ITSN1: variants seen among roughly 807,000 people sequenced by gnomAD.
ITSN1 encodes intersectin-1.
A neutral mutation model predicts 239.8 loss-of-function variants in ITSN1; 58 were observed. The observed-to-expected ratio is 0.24, with a 90% CI of 0.20 to 0.30. The LOEUF (loss-of-function observed/expected upper bound fraction) is 0.30. Ranked by LOEUF, ITSN1 falls within the 10% of genes least tolerant of loss-of-function variation. The pLI is 1.00. For missense variants in ITSN1, 1,558 were observed against 2,103.3 expected, an observed-to-expected ratio of 0.74 and a Z score of 5.07; for synonymous variants, 780 against 770.8, an observed-to-expected ratio of 1.01 and a Z score of -0.20.
chr21:33,762,813 A>G (rs1454570803), intron 9 of ITSN1, among the ~76,000 whole-genome samples: 1 of 149,780 alleles, frequency 6.7e-6, no homozygotes, highest in Non-Finnish European at 1.5e-5. Flanking sequence ...GCAGGCATGA[A>G]CCCCCACGCT....
chr21:33,789,711 G>A (rs1410725466), intron 16 of ITSN1, among the ~76,000 whole-genome samples: 1 of 152,084 alleles, frequency 6.6e-6, no homozygotes, highest in Non-Finnish European at 1.5e-5. Context: ...GTATTTTTGA[G>A]TGTCTCTAAG....
chr21:33,858,168 G>A (rs563480296), intron 30 of ITSN1, among the ~76,000 whole-genome samples: 1 of 152,288 alleles, frequency 6.6e-6, no homozygotes, highest in East Asian at 1.9e-4. Context: ...TCTGTCCAGG[G>A]TCAGCCCAGG....
intron 11 of ITSN1, 76 bp from the exon 12 acceptor site, chr21:33,771,985 C>CAT: frequency 6.6e-7 from 1 of 1,520,386 alleles, no homozygotes; most frequent in Non-Finnish European, 8.9e-7. Flanking sequence ...ATTTCAAATA[C>CAT]ATTGGTGAGT....
At chr21:33,781,960 T>C (rs1248870098) in intron 15 of ITSN1, 34 bp from the exon 16 acceptor site, 5 of 1,558,162 alleles carry the variant, frequency 3.2e-6, no homozygotes, top group Non-Finnish European at 4.3e-6. Context: ...CAAATTAAAG[T>C]TTTTCTTATC....
Position 33,878,882 on chromosome 21 carries a change from A to G in ITSN1, c.4341+3361A>G, listed in dbSNP as rs371864738. Among the ~76,000 whole-genome samples the G allele has an allele frequency of 2.4e-4, 37 of 152,332 alleles. No individual in the cohort carries two copies. In the South Asian group the frequency reaches 5.2e-3, roughly 21 times the overall value. The stretch of plus-strand genomic sequence containing the variant: ...TGTGACTCCCACTCTCGAGGAGCTT[A>G]TGGTCCAGGAGGAAGCTGGGGGTTA... On this transcript the variant is annotated intron_variant, in intron 34 of 39. Transcript: ENST00000381318.
chr21:33,832,032 G>A (rs899519409), intron 27 of ITSN1, among the ~76,000 whole-genome samples: 17 of 152,186 alleles, frequency 1.1e-4, no homozygotes, highest in South Asian at 6.2e-4. Context: ...GACTCCCATC[G>A]CCTGTCCTCC....
intron 16 of ITSN1, among the ~76,000 whole-genome samples, chr21:33,789,607 A>G (rs908474107): frequency 6.6e-6 from 1 of 152,154 alleles, no homozygotes; most frequent in Admixed American, 6.5e-5. Context: ...CTTCATATAC[A>G]TTATGCAAAG....
chr21:33,778,452 A>G (rs6517193), intron 14 of ITSN1, among the ~76,000 whole-genome samples: 81,584 of 151,660 alleles, frequency 0.54, 23,588 homozygotes, highest in East Asian at 0.82. Flanking sequence ...CATTATGCAG[A>G]TATAGGGCTA....
rs572087327 is a variant in ITSN1, at chr21:33,697,106, G to A, written c.-32-21691G>A. Among the ~76,000 whole-genome samples, 174 of 149,442 alleles carry A rather than the reference G, an allele frequency of 1.2e-3. 2 individuals are homozygous for A. Among genetic ancestry groups the A allele is most frequent in the Admixed American group, 7.3e-3 (110 of 15,010 alleles). ...TGTCTCTTTTTTTTTTTTTTGAGAC[G>A]GATTCTCACTCTGTCGCCCAAGTTG... is the stretch of plus-strand genomic sequence containing the variant. On this transcript the variant is annotated intron_variant, in intron 1 of 39. Coordinates refer to ENST00000381318, the MANE Select transcript of ITSN1 (RefSeq NM_003024.3).
rs757940900 is a variant in ITSN1 at position 33,750,263 on chromosome 21, C to G, written c.467C>G (p.Pro156Arg). Residue 156 changes from proline (P) to arginine (R), a missense_variant, in exon 6 of 40, where the codon CCC (proline) becomes CGC (arginine). By Grantham distance (103) the Pro-to-Arg change is moderately radical. This residue lies in a region of ITSN1 where 982 missense variants were observed against 1,209.9 expected (regional missense o/e 0.81). Coordinates refer to ENST00000381318, the MANE Select transcript of ITSN1 (RefSeq NM_003024.3). ...TCTTCTGTTCCCACAGCAGCTGTGC[C>G]CCCCCTGGCTAACGGGGCTCCCCCT... ...LVSSVPTAAV[P>R]PLANGAPPVI... 8 of 1,613,952 alleles carry G rather than the reference C, an allele frequency of 5.0e-6. No homozygotes were observed. The African/African-American group carries it at 6.7e-5, about 13-fold the overall frequency.
At chr21:33,755,930 T>G (rs2147553477) in intron 8 of ITSN1, among the ~76,000 whole-genome samples, 1 of 152,332 alleles carries the variant, frequency 6.6e-6, no homozygotes, top group East Asian at 1.9e-4. Context: ...ATGATTCTGT[T>G]ATCTACGTCA....
chr21:33,783,849 T>TA (rs1346393289), intron 16 of ITSN1, among the ~76,000 whole-genome samples: 1 of 152,142 alleles, frequency 6.6e-6, no homozygotes, highest in Non-Finnish European at 1.5e-5. Flanking sequence ...TTGACTCCCC[T>TA]AAAAAAGGTT....
intron 11 of ITSN1, among the ~76,000 whole-genome samples, chr21:33,770,147 T>G (rs2069038490): frequency 6.6e-6 from 1 of 151,838 alleles, no homozygotes; most frequent in Non-Finnish European, 1.5e-5. Context: ...CACCACAACC[T>G]CCGCCTCCCG....
chr21:33,679,218 TTGTG>T (rs371963563), intron 1 of ITSN1, among the ~76,000 whole-genome samples: 2 of 151,968 alleles, frequency 1.3e-5, no homozygotes, highest in Non-Finnish European at 2.9e-5. Context: ...GTTATTCCCT[TTGTG>T]TGTGTGTGTA....
chr21:33,675,277 A>T (rs2090522356), intron 1 of ITSN1, among the ~76,000 whole-genome samples: 1 of 152,062 alleles, frequency 6.6e-6, no homozygotes. Flanking sequence ...AAAAATCTTG[A>T]TATGGGCCGG....
At chr21:33,809,066 A>T (rs1483857771) in intron 20 of ITSN1, among the ~76,000 whole-genome samples, 1 of 152,242 alleles carries the variant, frequency 6.6e-6, no homozygotes, top group Non-Finnish European at 1.5e-5. Flanking sequence ...GTTCAGCATA[A>T]AAGAAGATCC....
rs537896138 is a variant in ITSN1 at position 33,713,120 on chromosome 21, C to T, written c.-32-5677C>T. On this transcript the variant is annotated intron_variant, in intron 1 of 39. Coordinates refer to ENST00000381318, the MANE Select transcript of ITSN1 (RefSeq NM_003024.3). ...CACGAACTCCTGACCTCAAGTGATC[C>T]GCCTGCCTTGGCCTCGCAAAGTGCT... Among the ~76,000 whole-genome samples, 5 of 152,200 alleles carry T rather than the reference C, an allele frequency of 3.3e-5. No individual in the cohort carries two copies. The South Asian group carries it at 8.3e-4, about 25-fold the overall frequency.
chr21:33,759,805 A>G (rs2068165171), intron 8 of ITSN1, among the ~76,000 whole-genome samples: 1 of 152,206 alleles, frequency 6.6e-6, no homozygotes, highest in African/African-American at 2.4e-5. Flanking sequence ...GCCTATCAAC[A>G]GTATAATGGA....
chr21:33,895,294 T>TA lies in ITSN1; in HGVS notation c.*6995dup, dbSNP rs1394753206. 6.6e-6 allele frequency: 1 copy of TA among 152,252 alleles called. No homozygotes were observed. Among genetic ancestry groups the TA allele is most frequent in the African/African-American group, 2.4e-5 (1 of 41,454 alleles). The allele number at this position is 152,252 out of a possible 1,614,324, so 9.4% of individuals were successfully genotyped here. ...GCTCCCCAGCAAGCGTTCTAGGAGT[T>TA]ACGGTGTGCTCTATTGGGATTGGAT... On this transcript the variant is annotated 3_prime_UTR_variant, in exon 40 of 40. Transcript: ENST00000381318.
Sources: gnomAD v4.1 joint callset for allele counts (sites outside exome capture counted in the v4.1 genomes callset) on GRCh38, gnomAD v4.1.1 for gene constraint, gnomAD v4.1.1 regional missense constraint, MANE v1.5 for transcripts, NCBI Gene and HGNC (gene_info 2026-07-23, HGNC 2026-07-21) for gene names.